SAMD12: variants seen among roughly 807,000 people sequenced by gnomAD.
SAMD12 encodes sterile alpha motif domain-containing protein 12.
A neutral mutation model predicts 15.0 loss-of-function variants in SAMD12; 9 were observed. The observed-to-expected ratio is 0.60, with a 90% CI of 0.36 to 1.05. SAMD12 has a LOEUF of 1.05. Among genes scored for constraint, SAMD12 ranks in the 50% least tolerant of loss-of-function variants. The pLI, the probability that SAMD12 is intolerant of heterozygous loss-of-function variation, is 0.01. For synonymous variants in SAMD12, 86 were observed against 90.1 expected (o/e 0.96, Z 0.25); for missense variants, 230 against 234.2 (o/e 0.98, Z 0.12).
chr8:118,154,676 A>G, the SAMD12 span, among the ~76,000 whole-genome samples: 3 of 152,222 alleles, frequency 2.0e-5, no homozygotes, highest in Admixed American at 2.0e-4. Context: ...AAGAATCTAT[A>G]TAGCCGTAAG....
exon 5 of SAMD12, chr8:118,195,211 A>T (rs1269193122): frequency 6.6e-6 from 1 of 152,254 alleles, no homozygotes; most frequent in African/African-American, 2.4e-5. Context: ...TCATTTAGTG[A>T]ACATTTGCAC....
exon 5 of SAMD12, chr8:118,194,458 C>T (rs1819499600): frequency 2.0e-5 from 3 of 152,164 alleles, no homozygotes; most frequent in South Asian, 2.1e-4. Context: ...ACTGGCAATG[C>T]TCTGCATATT....
intron 2 of SAMD12, among the ~76,000 whole-genome samples, chr8:118,537,093 G>A (rs935615495): frequency 2.0e-5 from 3 of 152,040 alleles, no homozygotes; most frequent in African/African-American, 7.2e-5. Context: ...ACTTTAAATT[G>A]GTCATGCCAC....
chr8:118,562,474 A>C (rs1410134515), intron 2 of SAMD12, among the ~76,000 whole-genome samples: 1 of 152,228 alleles, frequency 6.6e-6, no homozygotes, highest in African/African-American at 2.4e-5. Flanking sequence ...GCAGGAAACC[A>C]GGTTACAGCA....
At chr8:118,326,765 C>G (rs1009079902) in intron 4 of SAMD12, among the ~76,000 whole-genome samples, 2 of 152,176 alleles carry the variant, frequency 1.3e-5, no homozygotes, top group Non-Finnish European at 2.9e-5. Context: ...ATAAATCATT[C>G]TCCATAAAAG....
At chr8:118,545,022 A>G (rs930760370) in intron 2 of SAMD12, among the ~76,000 whole-genome samples, 1 of 152,186 alleles carries the variant, frequency 6.6e-6, no homozygotes, top group Non-Finnish European at 1.5e-5. Flanking sequence ...CTGCAACAGA[A>G]CCCTCTAGGG....
intron 4 of SAMD12, among the ~76,000 whole-genome samples, chr8:118,241,031 T>A (rs1181731486): frequency 1.3e-5 from 2 of 152,166 alleles, no homozygotes; most frequent in Non-Finnish European, 2.9e-5. Flanking sequence ...AACAACCACC[T>A]GACCCCCAGC....
At chr8:118,156,644 C>A in the SAMD12 span, among the ~76,000 whole-genome samples, 1 of 152,090 alleles carries the variant, frequency 6.6e-6, no homozygotes, top group Non-Finnish European at 1.5e-5. Context: ...AGTAAGTGTT[C>A]AACGGGCATC....
At chr8:118,583,794 C>T (rs1827355893) in intron 1 of SAMD12, among the ~76,000 whole-genome samples, 1 of 152,162 alleles carries the variant, frequency 6.6e-6, no homozygotes, top group Non-Finnish European at 1.5e-5. Context: ...CCCTATGCTC[C>T]CTCATGCACA....
intron 2 of SAMD12, among the ~76,000 whole-genome samples, chr8:118,526,866 A>T (rs1825551590): frequency 6.6e-6 from 1 of 152,228 alleles, no homozygotes; most frequent in Non-Finnish European, 1.5e-5. Flanking sequence ...CAGGGCTAAA[A>T]GGAAAACATT....
chr8:118,305,851 T>A (rs75193905), intron 4 of SAMD12, among the ~76,000 whole-genome samples: 2,620 of 152,164 alleles, frequency 0.017, 43 homozygotes, highest in East Asian at 0.082. Context: ...TTCCAGGTAG[T>A]TTTAGCCAAT....
At chr8:118,475,437 C>T (rs1277439823) in intron 2 of SAMD12, among the ~76,000 whole-genome samples, 1 of 152,122 alleles carries the variant, frequency 6.6e-6, no homozygotes, top group East Asian at 1.9e-4. Context: ...GCCAAATAAA[C>T]CTCTTTCTTT....
At chr8:118,317,617 G>C (rs1003245106) in intron 4 of SAMD12, among the ~76,000 whole-genome samples, 1 of 152,174 alleles carries the variant, frequency 6.6e-6, no homozygotes, top group African/African-American at 2.4e-5. Flanking sequence ...TTGGGGGACA[G>C]TAGCTGGAAG....
chr8:118,357,938 G>C (rs1818311787), intron 4 of SAMD12, among the ~76,000 whole-genome samples: 1 of 152,144 alleles, frequency 6.6e-6, no homozygotes, highest in South Asian at 2.1e-4. Context: ...TTAAGCCCAT[G>C]TTTGAGACCA....
chr8:118,493,861 G>C (rs1332104467), intron 2 of SAMD12, among the ~76,000 whole-genome samples: 1 of 152,116 alleles, frequency 6.6e-6, no homozygotes. Flanking sequence ...GGCATCACCC[G>C]ATGGCAGGAA....
At chr8:118,469,729 T>C (rs1364453104) in intron 2 of SAMD12, among the ~76,000 whole-genome samples, 1 of 146,946 alleles carries the variant, frequency 6.8e-6, no homozygotes, top group Non-Finnish European at 1.5e-5. Context: ...CGCCTGGCTA[T>C]TTTTTGTATT....
chr8:118,353,295 A>G (rs1004313310), intron 4 of SAMD12, among the ~76,000 whole-genome samples: 1 of 150,348 alleles, frequency 6.7e-6, no homozygotes, highest in Non-Finnish European at 1.5e-5. Context: ...TCCTTTTAGC[A>G]TTTGCTATGA....
chr8:118,522,215 C>A (rs1003743517), intron 2 of SAMD12, among the ~76,000 whole-genome samples: 43 of 56,866 alleles, frequency 7.6e-4, no homozygotes, highest in Middle Eastern at 0.01. Context: ...CACACACACA[C>A]GATAAAAAGA....
chr8:118,506,905 C>G (rs961343932), intron 2 of SAMD12, among the ~76,000 whole-genome samples: 2 of 151,792 alleles, frequency 1.3e-5, no homozygotes, highest in Non-Finnish European at 2.9e-5. Context: ...TGTCTGCCAT[C>G]ATGAAGCTGT....
Sources: gnomAD v4.1 joint callset for allele counts (sites outside exome capture counted in the v4.1 genomes callset) on GRCh38, gnomAD v4.1.1 for gene constraint, MANE v1.5 for transcripts, NCBI Gene and HGNC (gene_info 2026-07-23, HGNC 2026-07-21) for gene names.